The following APOBEC4 variants were observed in gnomAD, a reference collection of about 807,000 sequenced individuals.
The protein encoded by APOBEC4 is apolipoprotein B mRNA editing enzyme catalytic polypeptide like 4.
For synonymous variants in APOBEC4, 141 were observed against 154.2 expected, an observed-to-expected ratio of 0.91 and a Z score of 0.63; for missense variants, 375 against 441.2, an observed-to-expected ratio of 0.85 and a Z score of 1.34.
Position 183,648,681 on chromosome 1 carries a change from TG to T in APOBEC4, c.100del (p.His34IlefsTer38). On this transcript the variant is annotated frameshift_variant, in exon 2 of 2. Transcript: ENST00000308641. LOFTEE classifies it low-confidence loss of function (END_TRUNC). Reference sequence around the variant, plus strand: ...TCTTGCTTCTTCACCTGTTCGAATATGGTAAGGACAATTAGAGCAATCGAGA... The same window carrying T: ...TCTTGCTTCTTCACCTGTTCGAATATGTAAGGACAATTAGAGCAATCGAGA... ...FSLDCSNCPYHIRTGEEARVS... is the reference protein window; with the variant it reads ...FSLDCSNCPYXIRTGEEARVS... The T allele has an allele frequency of 6.2e-7, 1 of 1,614,200 alleles. No individual in the cohort carries two copies. The highest frequency in any genetic ancestry group is 8.5e-7 in the Non-Finnish European group (1 of 1,180,020).
At position 183,648,045 on chromosome 1, in the gene APOBEC4, G is replaced by A. The variant is rs12041951; in HGVS notation, c.737C>T (p.Thr246Ile). Residue 246 changes from threonine (T) to isoleucine (I), a missense_variant, in exon 2 of 2, where the codon ACA becomes ATA. Thr to Ile is a moderately conservative substitution (Grantham distance 89). Transcript: ENST00000308641. ...AGCTTTTGTGTTTGGATTCCTTTTT[G>A]TCTGGAGAAGAACATCAGTGAAGTA... The part of the protein sequence containing the change: ...KPYFTDVLLQ[T>I]KRNPNTKAQE... The A allele has an allele frequency of 6.2e-7, 1 of 1,614,188 alleles. No individual in the cohort carries two copies. The highest frequency in any genetic ancestry group is 2.2e-5 in the East Asian group (1 of 44,882).
chr1:183,648,194 A>G lies in APOBEC4; in HGVS notation c.588T>C (p.Ser196=), dbSNP rs183290380. ...LSPISGGIWH[S]VLHSFISGVS... Reference sequence around the variant, plus strand: ...CACCACTTATAAAGCTGTGGAGAACAGAATGCCAGATCCCACCACTTATTG... The same window carrying G: ...CACCACTTATAAAGCTGTGGAGAACGGAATGCCAGATCCCACCACTTATTG... The change falls in exon 2 of 2, where the codon TCT becomes TCC. Residue 196 remains serine (S), a synonymous_variant. Coordinates refer to ENST00000308641, the MANE Select transcript of APOBEC4 (RefSeq NM_203454.3). 1 of 1,614,230 alleles carries G rather than the reference A, an allele frequency of 6.2e-7. No homozygotes were observed. Among genetic ancestry groups the G allele is most frequent in the Admixed American group, 1.7e-5 (1 of 60,032 alleles).
chr1:183,650,272 G>A (rs1650626981), intron 1 of APOBEC4, among the ~76,000 whole-genome samples: 1 of 147,168 alleles, frequency 6.8e-6, no homozygotes, highest in Non-Finnish European at 1.5e-5. Flanking sequence ...GGCCAGGCGT[G>A]GTGGCTCACG....
At chr1:183,648,944 G>A in intron 1 of APOBEC4, 133 bp from the exon 2 acceptor site, 1 of 592,650 alleles carries the variant, frequency 1.7e-6, no homozygotes, top group Non-Finnish European at 2.9e-6. Flanking sequence ...AGATTTAAAA[G>A]CTCAGGATTC....
At chr1:183,649,364 G>A (rs549162961) in intron 1 of APOBEC4, among the ~76,000 whole-genome samples, 3 of 152,174 alleles carry the variant, frequency 2.0e-5, no homozygotes, top group African/African-American at 4.8e-5. Context: ...GTACAAAAAA[G>A]TGTTTTGCAT....
rs1361824345 is a variant in APOBEC4, at chr1:183,653,304, T to C, written c.-263A>G. ...GCCCTTGCTGAGGTGTGGCTACCTCTAAGAACACTGTTGATTGGGTGCCAT... is the reference window on the plus strand; with the variant it reads ...GCCCTTGCTGAGGTGTGGCTACCTCCAAGAACACTGTTGATTGGGTGCCAT... On this transcript the variant is annotated 5_prime_UTR_variant, in exon 1 of 2. Coordinates refer to ENST00000308641, the MANE Select transcript of APOBEC4 (RefSeq NM_203454.3). 1.3e-5 allele frequency: 2 copies of C among 152,296 alleles called. No individual in the cohort carries two copies. Among genetic ancestry groups the C allele is most frequent in the Non-Finnish European group, 2.9e-5 (2 of 68,078 alleles). 9.4% of individuals were successfully genotyped at this position (152,296 alleles called of 1,614,324 possible). A position where few individuals can be genotyped will look rare whatever the true frequency, so the allele number is the denominator to read the frequency against.
intron 1 of APOBEC4, among the ~76,000 whole-genome samples, chr1:183,650,188 T>C (rs1376049731): frequency 6.6e-6 from 1 of 152,144 alleles, no homozygotes; most frequent in Admixed American, 6.5e-5. Flanking sequence ...ATAAACAAAG[T>C]CATGTTTTAT....
Position 183,648,739 on chromosome 1 carries a change from T to C in APOBEC4, c.43A>G (p.Ile15Val), listed in dbSNP as rs1650502622. ...CTTAGCCAGTAATATGGTTTTACTA[T>C]TGTTCCATGATTTGCTAGGTACTCC... is the stretch of plus-strand genomic sequence containing the variant. ...YEEYLANHGT[I>V]VKPYYWLSFS... is the part of the protein sequence containing the mutation. The change falls in exon 2 of 2, where the codon ATA (isoleucine) becomes GTA (valine). Residue 15 changes from isoleucine to valine, a missense_variant. By Grantham distance (29) the Ile-to-Val change is conservative. Transcript: ENST00000308641. 2 of 1,613,188 alleles carry C rather than the reference T, an allele frequency of 1.2e-6. No individual in the cohort carries two copies. Among genetic ancestry groups the C allele is most frequent in the Admixed American group, 1.7e-5 (1 of 59,858 alleles).
rs1033643013 is a variant in APOBEC4, at chr1:183,646,326, A to G, written c.*1352T>C. ...TATTTTAACCACAATACTAATTGCTATTCCTAAAATATGTTTTTCTTTCTC... is the reference window on the plus strand; with the variant it reads ...TATTTTAACCACAATACTAATTGCTGTTCCTAAAATATGTTTTTCTTTCTC... On this transcript the variant is annotated 3_prime_UTR_variant, in exon 2 of 2. Transcript: ENST00000308641. 6.6e-6 allele frequency: 1 copy of G among 152,164 alleles called. No homozygotes were observed. The highest frequency in any genetic ancestry group is 1.5e-5 in the Non-Finnish European group (1 of 68,022). 9.4% of individuals were successfully genotyped at this position (152,164 alleles called of 1,614,324 possible).
At position 183,648,813 on chromosome 1, in the gene APOBEC4, T is replaced by C; in HGVS notation, c.-30-2A>G. The C allele has an allele frequency of 6.6e-7, 1 of 1,508,974 alleles. No homozygotes were observed. Among genetic ancestry groups the C allele is most frequent in the Non-Finnish European group, 8.9e-7 (1 of 1,121,490 alleles). The allele number at this position is 1,508,974 out of a possible 1,614,324, so 93.5% of individuals were successfully genotyped here. On this transcript the variant is annotated splice_acceptor_variant, in intron 1 of 1. Coordinates refer to ENST00000308641, the MANE Select transcript of APOBEC4 (RefSeq NM_203454.3). LOFTEE classifies it low-confidence loss of function (5UTR_SPLICE). ...ATTTACTGTCTTCTAGCTGCAAACC[T>C]AAACAAGGAAGAGAAATTACATATA...
chr1:183,650,354 T>C (rs1366393277), intron 1 of APOBEC4, among the ~76,000 whole-genome samples: 1 of 152,078 alleles, frequency 6.6e-6, no homozygotes, highest in Non-Finnish European at 1.5e-5. Flanking sequence ...CAATCCTGGC[T>C]AACATGGTGA....
rs192950582 is a variant in APOBEC4 at position 183,647,072 on chromosome 1, G to C, written c.*606C>G. The C allele has an allele frequency of 1.6e-4, 25 of 152,392 alleles. No homozygotes were observed. The highest frequency in any genetic ancestry group is 6.0e-4 in the African/African-American group (25 of 41,558). The allele number at this position is 152,392 out of a possible 1,614,324, so 9.4% of individuals were successfully genotyped here. On this transcript the variant is annotated 3_prime_UTR_variant, in exon 2 of 2. Transcript: ENST00000308641. ...TCTATCATCTGCTCAGAAGGGAGAG[G>C]TCTGAGCTGGGGAAGATCAAACTGA...
intron 1 of APOBEC4, among the ~76,000 whole-genome samples, chr1:183,650,111 C>G (rs1558133282): frequency 6.6e-6 from 1 of 152,178 alleles, no homozygotes; most frequent in Non-Finnish European, 1.5e-5. Context: ...CCATGTCCAG[C>G]CTTCCGTCAC....
At chr1:183,652,135 T>C (rs1650804379) in intron 1 of APOBEC4, among the ~76,000 whole-genome samples, 1 of 152,226 alleles carries the variant, frequency 6.6e-6, no homozygotes, top group South Asian at 2.1e-4. Context: ...GTGATGTGTA[T>C]GTGGAGTTAA....
Position 183,647,911 on chromosome 1 carries a change from C to T in APOBEC4, c.871G>A (p.Val291Ile). The T allele has an allele frequency of 6.2e-7, 1 of 1,614,180 alleles. No individual in the cohort carries two copies. The highest frequency in any genetic ancestry group is 8.5e-7 in the Non-Finnish European group (1 of 1,180,036). ...PNLPPDLRAPVVFVLVPLRDL... is the reference protein window; with the variant it reads ...PNLPPDLRAPIVFVLVPLRDL... ...CTGAGAGGCACTAGCACAAAAACAA[C>T]AGGAGCCCTGAGGTCTGGAGGTAGG... Residue 291 changes from valine to isoleucine, a missense_variant, in exon 2 of 2, where the codon GTT becomes ATT. Val to Ile is a conservative substitution (Grantham distance 29). Transcript: ENST00000308641.
At chr1:183,648,861 A>G (rs947191629) in intron 1 of APOBEC4, 50 bp from the exon 2 acceptor site, 9 of 1,116,688 alleles carry the variant, frequency 8.1e-6, no homozygotes, top group African/African-American at 1.6e-5. Context: ...GAAAAACTGA[A>G]GACAGTGCAT....
At chr1:183,649,625 G>A (rs945219942) in intron 1 of APOBEC4, among the ~76,000 whole-genome samples, 3 of 152,142 alleles carry the variant, frequency 2.0e-5, no homozygotes, top group African/African-American at 4.8e-5. Context: ...TTTCTTTCCC[G>A]TGAGTGGGTC....
intron 1 of APOBEC4, among the ~76,000 whole-genome samples, chr1:183,652,528 A>G (rs566502107): frequency 7.9e-5 from 12 of 152,216 alleles, no homozygotes; most frequent in Non-Finnish European, 1.0e-4. Context: ...TAGAGAATTC[A>G]TGGTTTATTG....
At position 183,648,746 on chromosome 1, in the gene APOBEC4, A is replaced by G. The variant is rs544160727; in HGVS notation, c.36T>C (p.His12=). Residue 12 remains histidine (H), a synonymous_variant, in exon 2 of 2, where the codon CAT becomes CAC. Transcript: ENST00000308641. ...AGTAATATGGTTTTACTATTGTTCC[A>G]TGATTTGCTAGGTACTCCTCATATA... is the stretch of plus-strand genomic sequence containing the variant. The part of the protein sequence containing the change: ...EPIYEEYLAN[H]GTIVKPYYWL... 3 of 1,612,722 alleles carry G rather than the reference A, an allele frequency of 1.9e-6. No homozygotes were observed. Among genetic ancestry groups the G allele is most frequent in the South Asian group, 1.1e-5 (1 of 91,004 alleles).
Sources: gnomAD v4.1 joint callset for allele counts (sites outside exome capture counted in the v4.1 genomes callset) on GRCh38, gnomAD v4.1.1 for gene constraint, MANE v1.5 for transcripts, NCBI Gene and HGNC (gene_info 2026-07-23, HGNC 2026-07-21) for gene names.